TANC2: variants seen among roughly 807,000 people sequenced by gnomAD.
TANC2 encodes the protein tetratricopeptide repeat, ankyrin repeat and coiled-coil containing 2, also known as protein TANC2.
Under a neutral mutation model 210.5 loss-of-function variants are expected in TANC2, and 26 were observed. The ratio of observed to expected loss-of-function variants is 0.12; its 90% CI spans 0.09 to 0.17. The LOEUF (loss-of-function observed/expected upper bound fraction) is 0.17, where lower values mean the gene tolerates loss of function less well. Ranked by LOEUF, TANC2 falls within the 10% of genes least tolerant of loss-of-function variation. The pLI is 1.00. For missense variants in TANC2, 2,129 were observed against 2,608.9 expected, an observed-to-expected ratio of 0.82 and a Z score of 4.01; for synonymous variants, 931 against 967.1, an observed-to-expected ratio of 0.96 and a Z score of 0.69.
intron 3 of TANC2, among the ~76,000 whole-genome samples, chr17:63,091,055 G>C (rs1394102258): frequency 1.3e-5 from 2 of 148,160 alleles, no homozygotes; most frequent in African/African-American, 5.0e-5. Context: ...TGATGGGGTT[G>C]TTTGTTTTTT....
intron 4 of TANC2, among the ~76,000 whole-genome samples, chr17:63,116,324 A>G (rs539575839): frequency 3.3e-5 from 5 of 152,340 alleles, no homozygotes; most frequent in African/African-American, 7.2e-5. Context: ...CGACAATTCT[A>G]TGCATTGGTG....
At chr17:63,090,219 T>TG (rs1568376248) in intron 3 of TANC2, among the ~76,000 whole-genome samples, 5 of 151,658 alleles carry the variant, frequency 3.3e-5, no homozygotes, top group Non-Finnish European at 7.4e-5. Flanking sequence ...TTTTGAGTTT[T>TG]TTTTTTTTTG....
chr17:63,396,096 T>C, intron 18 of TANC2, 168 bp downstream of exon 18: 1 of 642,312 alleles, frequency 1.6e-6, no homozygotes, highest in Non-Finnish European at 2.6e-6. Context: ...TTTACTCAAA[T>C]GCCAAAGTCC....
rs569615905 is a variant in TANC2 at position 63,030,520 on chromosome 17, C to T, written c.67+20894C>T. On this transcript the variant is annotated intron_variant, in intron 2 of 27. Coordinates refer to ENST00000689528, the Ensembl canonical transcript of TANC2. The stretch of plus-strand genomic sequence containing the variant: ...CAGCATTGTTCATAGACTACTAGAA[C>T]AACTAATCCCTTCTTGGGTCCCTTT... Among the ~76,000 whole-genome samples the T allele has an allele frequency of 2.0e-5, 3 of 152,204 alleles. No homozygotes were observed. The East Asian group carries it at 5.8e-4, about 29-fold the overall frequency.
At chr17:62,975,850 A>G (rs2031972204) in intron 1 of TANC2, among the ~76,000 whole-genome samples, 1 of 152,170 alleles carries the variant, frequency 6.6e-6, no homozygotes. Context: ...CTAGTACTTA[A>G]TAAATGGTAA....
intron 8 of TANC2, among the ~76,000 whole-genome samples, chr17:63,257,315 C>G (rs1272135255): frequency 1.3e-5 from 2 of 151,210 alleles, no homozygotes; most frequent in African/African-American, 2.4e-5. Flanking sequence ...CTGTTGTTGG[C>G]TTTTTGGTTT....
At chr17:63,226,614 A>T (rs905582184) in intron 7 of TANC2, among the ~76,000 whole-genome samples, 11 of 152,300 alleles carry the variant, frequency 7.2e-5, no homozygotes, top group Admixed American at 5.9e-4. Context: ...TAATTTTTTA[A>T]AAATTTCCAG....
intron 18 of TANC2, among the ~76,000 whole-genome samples, chr17:63,397,360 T>C (rs2048200146): frequency 6.6e-6 from 1 of 152,202 alleles, no homozygotes. Flanking sequence ...TTGAAAGCTT[T>C]TGTTGATTTT....
At chr17:63,198,849 T>C (rs2041434620) in intron 6 of TANC2, among the ~76,000 whole-genome samples, 1 of 152,134 alleles carries the variant, frequency 6.6e-6, no homozygotes, top group South Asian at 2.1e-4. Context: ...TTTTAAAAAA[T>C]TGAAACTCTC....
chr17:63,161,837 G>A (rs373324717), intron 5 of TANC2, among the ~76,000 whole-genome samples: 1 of 152,062 alleles, frequency 6.6e-6, no homozygotes, highest in Admixed American at 6.6e-5. Context: ...TGCTCATGCT[G>A]TCCCAGTTGT....
At chr17:63,025,679 C>T (rs1470119031) in intron 2 of TANC2, among the ~76,000 whole-genome samples, 1 of 151,812 alleles carries the variant, frequency 6.6e-6, no homozygotes, top group African/African-American at 2.4e-5. Context: ...ATCTGTAATC[C>T]CAGCTACTTG....
intron 14 of TANC2, among the ~76,000 whole-genome samples, chr17:63,366,560 A>G (rs564403303): frequency 1.2e-4 from 18 of 152,194 alleles, no homozygotes; most frequent in Non-Finnish European, 1.9e-4. Flanking sequence ...GAACAGAGAA[A>G]AGATGACCAT....
Position 63,412,210 on chromosome 17 carries a change from G to A in TANC2, c.3898+80G>A, listed in dbSNP as rs2048725905. The A allele has an allele frequency of 1.8e-5, 28 of 1,592,774 alleles. No individual in the cohort carries two copies. Among genetic ancestry groups the A allele is most frequent in the Non-Finnish European group, 2.3e-5 (27 of 1,166,098 alleles). ...AGTGGTCTGGCTGCCCTGGGTATTT[G>A]GTGTGAGTGTATATAGTTCCCCCTC... On this transcript the variant is annotated intron_variant, in intron 23 of 27. Coordinates refer to ENST00000689528, the Ensembl canonical transcript of TANC2. The surrounding 1 kb of genome is among the most constrained non-coding windows in gnomAD (Gnocchi z 4.2).
At chr17:63,180,885 A>G (rs1316897294) in intron 5 of TANC2, among the ~76,000 whole-genome samples, 1 of 151,714 alleles carries the variant, frequency 6.6e-6, no homozygotes, top group Non-Finnish European at 1.5e-5. Context: ...GTAGCCGGCC[A>G]TGGTGGCAGG....
intron 2 of TANC2, among the ~76,000 whole-genome samples, chr17:63,010,621 A>C (rs959621595): frequency 2.0e-5 from 3 of 152,132 alleles, no homozygotes; most frequent in Non-Finnish European, 2.9e-5. Flanking sequence ...CACTTCAGAC[A>C]CCAATTGCGT....
intron 3 of TANC2, among the ~76,000 whole-genome samples, chr17:63,078,222 T>C (rs981228285): frequency 1.3e-5 from 2 of 152,202 alleles, no homozygotes; most frequent in Non-Finnish European, 2.9e-5. Flanking sequence ...ATTATGTGTT[T>C]CTTCTTGAGA....
At position 63,421,767 on chromosome 17, in the gene TANC2, G is replaced by A. The variant is rs1285447111; in HGVS notation, c.6037G>A (p.Gly2013Arg). 13 of 1,613,910 alleles carry A rather than the reference G, an allele frequency of 8.1e-6. No individual in the cohort carries two copies. The highest frequency in any genetic ancestry group is 2.2e-5 in the South Asian group (2 of 91,084). The change falls in exon 28 of 28, where the codon GGG (glycine) becomes AGG (arginine). Residue 2013 changes from glycine to arginine, a missense_variant. Transcript: ENST00000689528. The surrounding 1 kb of genome is among the most constrained non-coding windows in gnomAD (Gnocchi z 6.9). ...CAGCCCCCATGGGATGCTGGCTAAC[G>A]GGTCTCGTGGAGACCTCTTGGAGCG...
At chr17:63,153,036 A>C (rs531756907) in intron 5 of TANC2, 1 of 152,316 alleles carries the variant, frequency 6.6e-6, no homozygotes, top group East Asian at 1.9e-4. Flanking sequence ...ATTTTAAAGC[A>C]TAGAAACTTT....
At chr17:63,194,054 C>CTCG (rs777398362) in exon 6 of TANC2, 1 of 1,613,232 alleles carries the variant, frequency 6.2e-7, no homozygotes, top group South Asian at 1.1e-5. Context: ...ACACTCATGA[C>CTCG]TCGTCTGGGT....
Sources: allele counts gnomAD v4.1 joint callset (sites outside exome capture counted in the v4.1 genomes callset), GRCh38; gene constraint gnomAD v4.1.1; non-coding constraint Gnocchi (gnomAD v3.1); transcripts MANE v1.5; gene names NCBI Gene and HGNC (gene_info 2026-07-23, HGNC 2026-07-21).